CADPS2: variants seen among roughly 807,000 people sequenced by gnomAD.
The protein encoded by CADPS2 is calcium-dependent secretion activator 2.
Under a neutral mutation model 172.5 loss-of-function variants are expected in CADPS2, and 93 were observed. The observed-to-expected ratio is 0.54, with a 90% CI of 0.46 to 0.64. The LOEUF is 0.64. Among genes scored for constraint, CADPS2 ranks in the 30% least tolerant of loss-of-function variants. CADPS2 has a pLI of 0.00. For synonymous variants in CADPS2, 546 were observed against 555.2 expected (o/e 0.98, Z 0.23); for missense variants, 1,420 against 1,565.9 (o/e 0.91, Z 1.57).
chr7:122,746,212 C>A (rs1296019690), intron 1 of CADPS2, among the ~76,000 whole-genome samples: 1 of 152,102 alleles, frequency 6.6e-6, no homozygotes, highest in Non-Finnish European at 1.5e-5. Context: ...GATGGATGCC[C>A]GTGAATAATT....
chr7:122,852,635 C>T (rs902684968), intron 1 of CADPS2, among the ~76,000 whole-genome samples: 1 of 152,036 alleles, frequency 6.6e-6, no homozygotes, highest in African/African-American at 2.4e-5. Context: ...AGAATGAAGG[C>T]AAAGGTAGGA....
At chr7:122,408,687 A>G (rs965004392) in intron 19 of CADPS2, among the ~76,000 whole-genome samples, 3 of 152,222 alleles carry the variant, frequency 2.0e-5, no homozygotes, top group Non-Finnish European at 2.9e-5. Flanking sequence ...TTGGCCTCTC[A>G]GAGTGCTGAG....
chr7:122,330,201 G>A (rs568500223), intron 28 of CADPS2, among the ~76,000 whole-genome samples: 5 of 152,086 alleles, frequency 3.3e-5, no homozygotes, highest in Non-Finnish European at 7.4e-5. Context: ...ATGAAATAAC[G>A]CCAAGAAAAT....
chr7:122,349,248 G>A (rs923305154), intron 27 of CADPS2, among the ~76,000 whole-genome samples: 1 of 151,988 alleles, frequency 6.6e-6, no homozygotes, highest in Admixed American at 6.6e-5. Flanking sequence ...TAAGAATATT[G>A]TATTCTAGAG....
chr7:122,431,312 TTGTC>T (rs2049877816), intron 17 of CADPS2, among the ~76,000 whole-genome samples: 2 of 152,140 alleles, frequency 1.3e-5, no homozygotes, highest in Non-Finnish European at 2.9e-5. Flanking sequence ...AAATACAAAA[TTGTC>T]TGTCCTCCTG....
At chr7:122,421,323 A>G (rs1216158488) in intron 17 of CADPS2, among the ~76,000 whole-genome samples, 1 of 152,172 alleles carries the variant, frequency 6.6e-6, no homozygotes, top group African/African-American at 2.4e-5. Flanking sequence ...CCATGATCTT[A>G]AATTTAATGA....
At chr7:122,452,326 AT>A (rs2053227732) in intron 14 of CADPS2, among the ~76,000 whole-genome samples, 1 of 152,220 alleles carries the variant, frequency 6.6e-6, no homozygotes, top group Non-Finnish European at 1.5e-5. Context: ...ACCTGTTTAT[AT>A]ATTTTAATAA....
intron 1 of CADPS2, among the ~76,000 whole-genome samples, chr7:122,864,323 A>T (rs1817735607): frequency 6.6e-6 from 1 of 152,042 alleles, no homozygotes; most frequent in Non-Finnish European, 1.5e-5. Flanking sequence ...AATACAAAAA[A>T]AATAAAATTA....
rs189162249 is a variant in CADPS2, at chr7:122,632,555, T to C, written c.787-3227A>G. On this transcript the variant is annotated intron_variant, in intron 3 of 29. Coordinates refer to ENST00000449022, the MANE Select transcript of CADPS2 (RefSeq NM_017954.11). ...TTTGCCCATTTTTGAGTTGGATTGA[T>C]TTTGCTTGATTTAAGTTCCTTGTAG... Among the ~76,000 whole-genome samples, 336 of 152,312 alleles carry C rather than the reference T, an allele frequency of 2.2e-3. 1 individual carries two copies. The highest frequency in any genetic ancestry group is 7.2e-3 in the African/African-American group (301 of 41,576).
chr7:122,657,569 C>A (rs1486177157), intron 3 of CADPS2, among the ~76,000 whole-genome samples: 6 of 152,124 alleles, frequency 3.9e-5, no homozygotes, highest in African/African-American at 9.7e-5. Context: ...CTCTTTGAAG[C>A]AATTGTGAAT....
intron 2 of CADPS2, among the ~76,000 whole-genome samples, chr7:122,734,484 A>G (rs1369796409): frequency 6.7e-6 from 1 of 148,470 alleles, no homozygotes; most frequent in African/African-American, 2.5e-5. Context: ...TTCAATTTCT[A>G]TTTATGTAAA....
intron 17 of CADPS2, among the ~76,000 whole-genome samples, chr7:122,435,072 T>C (rs990719655): frequency 2.6e-5 from 4 of 152,290 alleles, no homozygotes; most frequent in Admixed American, 6.5e-5. Context: ...TACAAAGTAT[T>C]AGCAATCATT....
chr7:122,669,973 T>G (rs2081620125), intron 2 of CADPS2, among the ~76,000 whole-genome samples: 1 of 151,728 alleles, frequency 6.6e-6, no homozygotes, highest in South Asian at 2.1e-4. Context: ...CCACGTTATA[T>G]TCCCCAACAT....
chr7:122,624,890 C>G (rs1382643926), intron 4 of CADPS2, among the ~76,000 whole-genome samples: 7 of 152,062 alleles, frequency 4.6e-5, no homozygotes, highest in Admixed American at 1.3e-4. Context: ...ATAATTTCTT[C>G]TGATAGAAAG....
At chr7:122,541,827 AT>A (rs2063083874) in intron 8 of CADPS2, among the ~76,000 whole-genome samples, 3 of 114,154 alleles carry the variant, frequency 2.6e-5, no homozygotes, top group Admixed American at 9.0e-5. Context: ...ATATGTTTAT[AT>A]ATTCATATGT....
chr7:122,477,766 A>T (rs886066628), intron 12 of CADPS2, among the ~76,000 whole-genome samples: 2 of 152,186 alleles, frequency 1.3e-5, no homozygotes, highest in African/African-American at 4.8e-5. Flanking sequence ...CAAATCTGTC[A>T]TCTCACGTAG....
chr7:122,328,417 T>C (rs1206440296), intron 28 of CADPS2: 3 of 152,214 alleles, frequency 2.0e-5, no homozygotes, highest in Non-Finnish European at 4.4e-5. Flanking sequence ...CTTTTCACTT[T>C]GGAAAAGTTA....
At chr7:122,731,903 T>C (rs2091682167) in intron 2 of CADPS2, among the ~76,000 whole-genome samples, 2 of 151,798 alleles carry the variant, frequency 1.3e-5, no homozygotes. Context: ...GCCAACTGTG[T>C]GTGTGAGAAT....
At chr7:122,384,356 GA>G (rs966445838) in intron 24 of CADPS2, among the ~76,000 whole-genome samples, 8 of 151,932 alleles carry the variant, frequency 5.3e-5, no homozygotes, top group Non-Finnish European at 1.0e-4. Context: ...TTATAATTTA[GA>G]AAAAACATTG....
Sources: allele counts gnomAD v4.1 joint callset (sites outside exome capture counted in the v4.1 genomes callset), GRCh38; gene constraint gnomAD v4.1.1; transcripts MANE v1.5; gene names NCBI Gene and HGNC (gene_info 2026-07-23, HGNC 2026-07-21).